The following NTN1 variants were observed in gnomAD, a reference collection of about 807,000 sequenced individuals.
The protein encoded by NTN1 is netrin-1.
A neutral mutation model predicts 54.2 loss-of-function variants in NTN1; 11 were observed. The observed-to-expected ratio is 0.20, with a 90% CI of 0.13 to 0.34. The LOEUF (loss-of-function observed/expected upper bound fraction) is 0.34, where lower values mean the gene tolerates loss of function less well. Ranked by LOEUF, NTN1 falls within the 10% of genes least tolerant of loss-of-function variation. The pLI, the probability that NTN1 is intolerant of heterozygous loss-of-function variation, is 1.00. For missense variants in NTN1, 740 were observed against 893.1 expected, an observed-to-expected ratio of 0.83 and a Z score of 2.18; for synonymous variants, 371 against 382.0, an observed-to-expected ratio of 0.97 and a Z score of 0.33.
chr17:9,157,735 A>G (rs1052460846), intron 2 of NTN1, among the ~76,000 whole-genome samples: 14 of 152,224 alleles, frequency 9.2e-5, no homozygotes, highest in Admixed American at 3.9e-4. Context: ...CAGAGCCTCA[A>G]TGGCCTAGGC....
chr17:9,013,886 T>C, the NTN1 span, among the ~76,000 whole-genome samples: 3 of 152,216 alleles, frequency 2.0e-5, no homozygotes, highest in Non-Finnish European at 2.9e-5. Context: ...CCCATTTTCT[T>C]TATTTTAATA....
chr17:9,196,491 C>G (rs543103596), intron 5 of NTN1, among the ~76,000 whole-genome samples: 1 of 152,188 alleles, frequency 6.6e-6, no homozygotes, highest in African/African-American at 2.4e-5. Context: ...ATTTTCCTCT[C>G]GGCAGCTCTC....
intron 6 of NTN1, among the ~76,000 whole-genome samples, chr17:9,224,967 G>C (rs1370588173): frequency 6.6e-6 from 1 of 152,140 alleles, no homozygotes; most frequent in African/African-American, 2.4e-5. Flanking sequence ...GGTGTTTCTG[G>C]TTCCAGGACT....
chr17:9,123,298 A>G (rs1224816923), intron 2 of NTN1, among the ~76,000 whole-genome samples: 2 of 152,170 alleles, frequency 1.3e-5, no homozygotes, highest in African/African-American at 2.4e-5. Flanking sequence ...CAGGTTGAAC[A>G]TTTTTCACAA....
chr17:9,025,803 T>G (rs1310817972), intron 2 of NTN1, among the ~76,000 whole-genome samples: 1 of 152,220 alleles, frequency 6.6e-6, no homozygotes, highest in African/African-American at 2.4e-5. Context: ...AGTGGAGATA[T>G]GTGAATGAAT....
intron 3 of NTN1, chr17:9,175,695 G>T (rs114281873): frequency 6.6e-6 from 1 of 152,200 alleles, no homozygotes; most frequent in African/African-American, 2.4e-5. Flanking sequence ...GTCTGAAAGC[G>T]CGTGGGTCAC....
chr17:9,059,260 C>A (rs1250003510), intron 2 of NTN1, among the ~76,000 whole-genome samples: 1 of 152,170 alleles, frequency 6.6e-6, no homozygotes, highest in Non-Finnish European at 1.5e-5. Flanking sequence ...CCTCAAAAAT[C>A]TGAACCTAGA....
intron 5 of NTN1, among the ~76,000 whole-genome samples, chr17:9,214,844 G>T (rs1263891236): frequency 6.6e-6 from 1 of 152,154 alleles, no homozygotes; most frequent in East Asian, 1.9e-4. Flanking sequence ...ATTTTATTTG[G>T]TTATATTCCC....
At chr17:9,130,154 C>T (rs890017553) in intron 2 of NTN1, among the ~76,000 whole-genome samples, 2 of 152,132 alleles carry the variant, frequency 1.3e-5, no homozygotes, top group African/African-American at 4.8e-5. Flanking sequence ...TACCTGTTGA[C>T]AGCAGTCATC....
At chr17:9,113,773 AG>A (rs745819487) in intron 2 of NTN1, among the ~76,000 whole-genome samples, 1 of 152,150 alleles carries the variant, frequency 6.6e-6, no homozygotes, top group Non-Finnish European at 1.5e-5. Context: ...ATTTTGTTCA[AG>A]GATGTTCACT....
At chr17:9,036,318 A>G (rs2091903356) in intron 2 of NTN1, among the ~76,000 whole-genome samples, 1 of 151,886 alleles carries the variant, frequency 6.6e-6, no homozygotes, top group Admixed American at 6.6e-5. Flanking sequence ...CAGAACTGGA[A>G]TTGGAATCCA....
intron 2 of NTN1, among the ~76,000 whole-genome samples, chr17:9,098,487 T>A (rs1303743502): frequency 6.6e-6 from 1 of 152,234 alleles, no homozygotes; most frequent in African/African-American, 2.4e-5. Flanking sequence ...TTGCAGCATA[T>A]CTGGCCTGTC....
At chr17:9,074,634 T>C (rs1288426669) in intron 2 of NTN1, among the ~76,000 whole-genome samples, 1 of 152,242 alleles carries the variant, frequency 6.6e-6, no homozygotes, top group African/African-American at 2.4e-5. Context: ...CTTCTTCCAC[T>C]GGCCTGGAGG....
chr17:9,053,865 G>A lies in NTN1; in HGVS notation c.1018+30474G>A, dbSNP rs562743431. 5.3e-5 allele frequency among the ~76,000 whole-genome samples: 8 copies of A among 152,318 alleles called. No individual in the cohort carries two copies. In the South Asian group the frequency reaches 1.7e-3, roughly 32 times the overall value. On this transcript the variant is annotated intron_variant, in intron 2 of 6. Coordinates refer to ENST00000173229, the MANE Select transcript of NTN1 (RefSeq NM_004822.3). ...GCTAGTGGCTTCACAGGTGAAAAGG[G>A]AGTGTCTAGCCTCCCTTAAGCAGGG...
At chr17:9,180,159 C>A (rs1177697651) in intron 4 of NTN1, among the ~76,000 whole-genome samples, 1 of 152,254 alleles carries the variant, frequency 6.6e-6, no homozygotes, top group African/African-American at 2.4e-5. Context: ...CTGCCTCAGT[C>A]TTCCAAGTAG....
At chr17:9,194,111 C>T (rs1334871307) in intron 5 of NTN1, among the ~76,000 whole-genome samples, 3 of 151,784 alleles carry the variant, frequency 2.0e-5, no homozygotes. Flanking sequence ...TGGCAGGCAC[C>T]TGTAATCCTA....
the NTN1 span, among the ~76,000 whole-genome samples, chr17:9,006,004 A>G: frequency 6.6e-6 from 1 of 152,220 alleles, no homozygotes; most frequent in Non-Finnish European, 1.5e-5. Flanking sequence ...AGCCGGCCAT[A>G]GGGGGACCCA....
At chr17:9,141,223 A>G (rs184257342) in intron 2 of NTN1, among the ~76,000 whole-genome samples, 2 of 151,480 alleles carry the variant, frequency 1.3e-5, no homozygotes, top group Admixed American at 1.3e-4. Context: ...ATTGGGGGAG[A>G]TTACCAAGGG....
rs115914409 is a variant in NTN1, at chr17:9,089,528, G to A, written c.1018+66137G>A. 6.5e-3 allele frequency among the ~76,000 whole-genome samples: 996 copies of A among 152,146 alleles called. 10 individuals carry two copies. The highest frequency in any genetic ancestry group is 0.023 in the African/African-American group (956 of 41,500). ...TAGGTGACAATTTCTTGTTGATAAC[G>A]CACAAGTTTTGCCAGAAGACTGTCT... On this transcript the variant is annotated intron_variant, in intron 2 of 6. Coordinates refer to ENST00000173229, the MANE Select transcript of NTN1 (RefSeq NM_004822.3).
Sources: gnomAD v4.1 joint callset for allele counts (sites outside exome capture counted in the v4.1 genomes callset) on GRCh38, gnomAD v4.1.1 for gene constraint, MANE v1.5 for transcripts, NCBI Gene and HGNC (gene_info 2026-07-23, HGNC 2026-07-21) for gene names.